Variants in GCN1 observed in about 807,000 individuals in gnomAD.
The protein encoded by GCN1 is stalled ribosome sensor GCN1.
A neutral mutation model predicts 288.4 loss-of-function variants in GCN1; 90 were observed. The observed-to-expected ratio is 0.31, with a 90% confidence interval of 0.26 to 0.37. The LOEUF (loss-of-function observed/expected upper bound fraction) is 0.37. Among genes scored for constraint, GCN1 ranks in the 10% least tolerant of loss-of-function variants. GCN1 has a pLI of 1.00. For synonymous variants in GCN1, 1,386 were observed against 1,420.2 expected (o/e 0.98, Z 0.54); for missense variants, 2,586 against 3,419.9 (o/e 0.76, Z 6.08).
intron 45 of GCN1, among the ~76,000 whole-genome samples, chr12:120,140,110 G>A (rs1018667121): frequency 5.3e-5 from 8 of 152,282 alleles, no homozygotes; most frequent in African/African-American, 1.7e-4. Flanking sequence ...AAAACCAAAC[G>A]TAAGACAAAC....
At chr12:120,139,049 C>T (rs191305768) in intron 45 of GCN1, 193 bp from the exon 46 acceptor site, 2 of 442,566 alleles carry the variant, frequency 4.5e-6, no homozygotes, top group Non-Finnish European at 8.0e-6. Flanking sequence ...GTGGCTCACA[C>T]CTGTAATCCC....
At chr12:120,140,396 G>A (rs1877150231) in intron 45 of GCN1, among the ~76,000 whole-genome samples, 1 of 152,118 alleles carries the variant, frequency 6.6e-6, no homozygotes, top group African/African-American at 2.4e-5. Context: ...GACGCAATAT[G>A]CTTCCTCCCA....
At chr12:120,132,598 A>AT (rs1378973566) in intron 53 of GCN1, among the ~76,000 whole-genome samples, 1 of 152,192 alleles carries the variant, frequency 6.6e-6, no homozygotes, top group African/African-American at 2.4e-5. Context: ...AAAGCCACTA[A>AT]TCAAGCCAAG....
intron 44 of GCN1, 45 bp from the exon 45 acceptor site, chr12:120,141,068 C>G: frequency 6.4e-7 from 1 of 1,554,162 alleles, no homozygotes; most frequent in Non-Finnish European, 8.8e-7. Flanking sequence ...CTGCAAAGCC[C>G]AGGGCACCCA....
intron 53 of GCN1, among the ~76,000 whole-genome samples, chr12:120,133,862 G>A (rs1280387907): frequency 6.6e-6 from 1 of 152,188 alleles, no homozygotes; most frequent in Non-Finnish European, 1.5e-5. Flanking sequence ...CTGAGGTCAG[G>A]AGTTTGAGAC....
At chr12:120,177,591 T>G (rs751101099) in intron 8 of GCN1, 36 bp from the exon 9 acceptor site, 1 of 1,550,498 alleles carries the variant, frequency 6.4e-7, no homozygotes, top group Non-Finnish European at 8.9e-7. Flanking sequence ...CTAGCCCTCA[T>G]GGGAACGGAC....
At chr12:120,177,585 C>T in intron 8 of GCN1, 30 bp from the exon 9 acceptor site, 3 of 1,548,164 alleles carry the variant, frequency 1.9e-6, no homozygotes, top group African/African-American at 1.4e-5. Context: ...AGGCACCTAG[C>T]CCTCATGGGA....
At position 120,164,383 on chromosome 12, in the gene GCN1, C is replaced by T; in HGVS notation, c.1801G>A (p.Ala601Thr). 1 of 1,614,194 alleles carries T rather than the reference C, an allele frequency of 6.2e-7. No individual in the cohort carries two copies. The highest frequency in any genetic ancestry group is 8.5e-7 in the Non-Finnish European group (1 of 1,180,030). ...LLSSLGGFKLAHGLLEELKTV... is the reference protein window; with the variant it reads ...LLSSLGGFKLTHGLLEELKTV... ...TTCAGCTCCTCCAAGAGTCCGTGCGCCAGCTTAAAGCCCCCAAGAGAGGAC... is the reference window on the plus strand; with the variant it reads ...TTCAGCTCCTCCAAGAGTCCGTGCGTCAGCTTAAAGCCCCCAAGAGAGGAC... The change falls in exon 18 of 58, where the codon GCG becomes ACG. Residue 601 changes from alanine to threonine, a missense_variant. Around this residue, in one of 8 missense-constraint regions of GCN1, gnomAD observed 913 missense variants for 1,107.0 expected, o/e 0.82. Coordinates refer to ENST00000300648, the MANE Select transcript of GCN1 (RefSeq NM_006836.2).
intron 2 of GCN1, 63 bp from the exon 3 acceptor site, chr12:120,184,950 G>A (rs2139141954): frequency 1.9e-6 from 2 of 1,079,028 alleles, no homozygotes; most frequent in Non-Finnish European, 1.4e-6. Flanking sequence ...GCTGGAGTCA[G>A]GTATTCTGCC....
At chr12:120,146,252 CAAG>C (rs1877357411) in intron 38 of GCN1, among the ~76,000 whole-genome samples, 1 of 123,838 alleles carries the variant, frequency 8.1e-6, no homozygotes, top group African/African-American at 3.2e-5. Flanking sequence ...GGCAACAGAG[CAAG>C]ACTCCATCTC....
chr12:120,178,954 C>G lies in GCN1; in HGVS notation c.427-4G>C. The G allele has an allele frequency of 6.2e-7, 1 of 1,611,972 alleles. No individual in the cohort carries two copies. Among genetic ancestry groups the G allele is most frequent in the South Asian group, 1.1e-5 (1 of 90,920 alleles). On this transcript the variant is annotated splice_region_variant and splice_polypyrimidine_tract_variant and intron_variant, in intron 5 of 57. Transcript: ENST00000300648. ...AGAGCAGGCACTGCACTTCCACCTG[C>G]CAGGACCAGGGAAGACTCAGGTCAA... is the stretch of plus-strand genomic sequence containing the variant.
At chr12:120,152,591 A>G (rs1877598864) in intron 33 of GCN1, among the ~76,000 whole-genome samples, 1 of 129,848 alleles carries the variant, frequency 7.7e-6, no homozygotes, top group South Asian at 2.5e-4. Context: ...TGTTCACTTT[A>G]TGAAGACACT....
intron 33 of GCN1, among the ~76,000 whole-genome samples, 194 bp from the exon 34 acceptor site, chr12:120,151,585 C>T (rs1189924383): frequency 4.6e-5 from 7 of 152,206 alleles, no homozygotes; most frequent in Non-Finnish European, 1.0e-4. Flanking sequence ...AGGGTGCACA[C>T]TACAATCTGC....
At chr12:120,165,048 TATA>T (rs1403866760) in intron 16 of GCN1, among the ~76,000 whole-genome samples, 19 of 145,988 alleles carry the variant, frequency 1.3e-4, no homozygotes, top group African/African-American at 4.7e-4. Flanking sequence ...TATATATATA[TATA>T]TTTTTTTTTT....
In GCN1 at chr12:120,175,833, C is replaced by T. The variant is rs1437860463; in HGVS notation, c.955G>A (p.Val319Met). Residue 319 changes from valine (V) to methionine (M), a missense_variant, in exon 11 of 58, where the codon GTG becomes ATG. Transcript: ENST00000300648. The stretch of plus-strand genomic sequence containing the variant: ...CGTGCCAGGTTCCGCAGTGCCAGCA[C>T]AGCTTCATCCATCAGGCGGGGACTG... ...SNSPRLMDEAVLALRNLARQC... is the reference protein window; with the variant it reads ...SNSPRLMDEAMLALRNLARQC... 2 of 1,613,388 alleles carry T rather than the reference C, an allele frequency of 1.2e-6. No homozygotes were observed. Among genetic ancestry groups the T allele is most frequent in the South Asian group, 2.2e-5 (2 of 90,924 alleles).
Position 120,150,992 on chromosome 12 carries a change from G to C in GCN1, c.4309+153C>G, listed in dbSNP as rs116588501. ...TTGCAAGTCCAAGGAAAGCAGCAAG[G>C]ACGCAGCTGGACTGGGTCGCACACA... On this transcript the variant is annotated intron_variant, in intron 34 of 57. Coordinates refer to ENST00000300648, the MANE Select transcript of GCN1 (RefSeq NM_006836.2). Among the ~76,000 whole-genome samples, 1,103 of 152,250 alleles carry C rather than the reference G, an allele frequency of 7.2e-3. 11 individuals are homozygous for C. Among genetic ancestry groups the C allele is most frequent in the African/African-American group, 0.025 (1,039 of 41,558 alleles).
intron 24 of GCN1, among the ~76,000 whole-genome samples, chr12:120,159,477 T>C (rs999097516): frequency 2.0e-5 from 3 of 152,224 alleles, no homozygotes; most frequent in Non-Finnish European, 1.5e-5. Context: ...ACTGCTGTCA[T>C]GTGGCTGTTC....
At chr12:120,190,934 G>A (rs1878983787) in intron 1 of GCN1, among the ~76,000 whole-genome samples, 1 of 152,156 alleles carries the variant, frequency 6.6e-6, no homozygotes, top group Admixed American at 6.6e-5. Flanking sequence ...GGAAAGGTTA[G>A]GAGATTGGAT....
At position 120,170,169 on chromosome 12, in the gene GCN1, C is replaced by T; in HGVS notation, c.1519G>A (p.Glu507Lys). ...LKLSVADSQAEAKLSSFWQLI... is the reference protein window; with the variant it reads ...LKLSVADSQAKAKLSSFWQLI... ...ATCCTAGACACCTCTGGACTCATAC[C>T]AGCCTGTGAGTCAGCCACTGACAAC... The change falls in exon 15 of 58, where the codon GAG becomes AAG. Residue 507 changes from glutamate to lysine, a missense_variant and splice_region_variant. Around this residue, in one of 8 missense-constraint regions of GCN1, gnomAD observed 913 missense variants for 1,107.0 expected, o/e 0.82. Transcript: ENST00000300648. 2 of 1,613,700 alleles carry T rather than the reference C, an allele frequency of 1.2e-6. No homozygotes were observed. The highest frequency in any genetic ancestry group is 1.7e-6 in the Non-Finnish European group (2 of 1,179,584).
Sources: allele counts gnomAD v4.1 joint callset (sites outside exome capture counted in the v4.1 genomes callset), GRCh38; gene constraint gnomAD v4.1.1; regional missense constraint gnomAD v4.1.1; transcripts MANE v1.5; gene names NCBI Gene and HGNC (gene_info 2026-07-23, HGNC 2026-07-21).